The following SLCO3A1 variants were observed in gnomAD, a reference collection of about 807,000 sequenced individuals.
The protein encoded by SLCO3A1 is solute carrier organic anion transporter family member 3A1.
Under a neutral mutation model 63.1 loss-of-function variants are expected in SLCO3A1, and 27 were observed. The observed-to-expected ratio is 0.43, with a 90% CI of 0.32 to 0.59. SLCO3A1 has a LOEUF of 0.59. Among genes scored for constraint, SLCO3A1 ranks in the 20% least tolerant of loss-of-function variants. The pLI is 0.09. For synonymous variants in SLCO3A1, 473 were observed against 409.9 expected (o/e 1.15, Z -1.86); for missense variants, 773 against 945.8 (o/e 0.82, Z 2.40).
chr15:92,079,808 C>A (rs1024309587), intron 2 of SLCO3A1, among the ~76,000 whole-genome samples: 4 of 152,382 alleles, frequency 2.6e-5, no homozygotes, highest in African/African-American at 9.6e-5. Context: ...AGCTTTGAAG[C>A]CTGAACTAGA....
rs1900696261 is a variant in SLCO3A1, at chr15:91,967,325, T to G, written c.646+50867T>G. 1.3e-5 allele frequency among the ~76,000 whole-genome samples: 2 copies of G among 152,280 alleles called. No homozygotes were observed. Among genetic ancestry groups the G allele is most frequent in the South Asian group, 2.1e-4 (1 of 4,818 alleles). ...TAAGAGGAAGCAGAGAGTACTGTTT[T>G]CTAGATTAACTGCTCTACACAGAAA... On this transcript the variant is annotated intron_variant, in intron 2 of 9. Coordinates refer to ENST00000318445, the MANE Select transcript of SLCO3A1 (RefSeq NM_013272.4). This position sits in a 1 kb window ranked among gnomAD's most constrained non-coding sequence, Gnocchi z 4.4.
intron 1 of SLCO3A1, among the ~76,000 whole-genome samples, chr15:91,907,023 AT>A (rs1461627704): frequency 6.6e-6 from 1 of 152,146 alleles, no homozygotes; most frequent in African/African-American, 2.4e-5. Flanking sequence ...GAATAATAAC[AT>A]TTGCCTCAGT....
chr15:91,965,671 C>T (rs1900630861), intron 2 of SLCO3A1, among the ~76,000 whole-genome samples: 1 of 151,964 alleles, frequency 6.6e-6, no homozygotes, highest in African/African-American at 2.4e-5. Context: ...GCACCAAGTC[C>T]AAAGGAATCT....
chr15:91,962,637 T>C (rs1429458408), intron 2 of SLCO3A1, among the ~76,000 whole-genome samples: 2 of 151,750 alleles, frequency 1.3e-5, no homozygotes, highest in Non-Finnish European at 1.5e-5. Context: ...TGGAAATGGC[T>C]GTGGAAGGTC....
chr15:91,981,432 G>A (rs949329291), intron 2 of SLCO3A1, among the ~76,000 whole-genome samples: 2 of 152,030 alleles, frequency 1.3e-5, no homozygotes, highest in African/African-American at 4.8e-5. Context: ...TTATGCTCCA[G>A]CCACTCCAGA....
chr15:92,130,971 A>G (rs1237078406), intron 7 of SLCO3A1, among the ~76,000 whole-genome samples: 3 of 146,920 alleles, frequency 2.0e-5, no homozygotes, highest in Non-Finnish European at 4.5e-5. Context: ...GGAATTCTCC[A>G]CCTTCCCCAA....
Position 92,105,020 on chromosome 15 carries a change from C to T in SLCO3A1, c.1009+478C>T, listed in dbSNP as rs192975265. ...GTGTAATCACATCTGTAATCCCAGC[C>T]CTTTGGGAAGCCAAGGCAGGTGGAT... On this transcript the variant is annotated intron_variant, in intron 4 of 9. Transcript: ENST00000318445. Among the ~76,000 whole-genome samples the T allele has an allele frequency of 9.7e-3, 1,473 of 151,736 alleles. 21 individuals are homozygous for T. The highest frequency in any genetic ancestry group is 0.034 in the African/African-American group (1,414 of 41,420).
chr15:92,156,188 T>C (rs931434251), intron 9 of SLCO3A1, among the ~76,000 whole-genome samples: 1 of 152,164 alleles, frequency 6.6e-6, no homozygotes, highest in Non-Finnish European at 1.5e-5. Flanking sequence ...AGTGCTGCTT[T>C]GGAAGAAGCA....
intron 2 of SLCO3A1, among the ~76,000 whole-genome samples, chr15:92,046,815 C>T (rs1286136822): frequency 6.7e-6 from 1 of 149,900 alleles, no homozygotes; most frequent in Non-Finnish European, 1.5e-5. Flanking sequence ...CGTTGTCTGT[C>T]ACCTAGGTCT....
intron 2 of SLCO3A1, among the ~76,000 whole-genome samples, chr15:92,016,610 A>G (rs973983884): frequency 1.3e-5 from 2 of 152,226 alleles, no homozygotes; most frequent in African/African-American, 4.8e-5. Context: ...GTGAAAGACT[A>G]TTGCATGGCT....
At chr15:91,997,659 A>T in intron 2 of SLCO3A1, among the ~76,000 whole-genome samples, 1 of 152,226 alleles carries the variant, frequency 6.6e-6, no homozygotes, top group Non-Finnish European at 1.5e-5. Context: ...ACAAAAACAG[A>T]CTACATAGAC....
intron 7 of SLCO3A1, among the ~76,000 whole-genome samples, chr15:92,143,944 A>T (rs1191290791): frequency 6.6e-6 from 1 of 152,324 alleles, no homozygotes; most frequent in South Asian, 2.1e-4. Flanking sequence ...GTGGGGAGCC[A>T]CGTGGCCTGC....
At chr15:92,069,771 A>G (rs1401839321) in intron 2 of SLCO3A1, among the ~76,000 whole-genome samples, 1 of 152,166 alleles carries the variant, frequency 6.6e-6, no homozygotes, top group Non-Finnish European at 1.5e-5. Flanking sequence ...GAAAATGATG[A>G]ATGAGTCACG....
intron 2 of SLCO3A1, among the ~76,000 whole-genome samples, chr15:91,925,253 C>A (rs192952887): frequency 6.6e-6 from 1 of 152,194 alleles, no homozygotes; most frequent in East Asian, 1.9e-4. Flanking sequence ...TCTTTTTGTC[C>A]TTTTCACCTA....
At chr15:92,074,095 G>A (rs746595682) in intron 2 of SLCO3A1, among the ~76,000 whole-genome samples, 7 of 152,174 alleles carry the variant, frequency 4.6e-5, no homozygotes, top group South Asian at 2.1e-4. Context: ...TGCTTGAACC[G>A]AGGAGGCAGA....
intron 2 of SLCO3A1, among the ~76,000 whole-genome samples, chr15:91,998,891 G>A (rs1384104820): frequency 2.0e-5 from 3 of 152,194 alleles, no homozygotes; most frequent in African/African-American, 7.2e-5. Flanking sequence ...ACTCAGCCTA[G>A]GTGCCCATCA....
intron 1 of SLCO3A1, among the ~76,000 whole-genome samples, chr15:91,858,989 T>C (rs1409784411): frequency 6.6e-6 from 1 of 152,262 alleles, no homozygotes; most frequent in Non-Finnish European, 1.5e-5. Flanking sequence ...CTCGCGCAGA[T>C]TTCACTACAT....
chr15:91,879,894 G>T (rs1243967951), intron 1 of SLCO3A1, among the ~76,000 whole-genome samples: 3 of 152,124 alleles, frequency 2.0e-5, no homozygotes, highest in East Asian at 3.9e-4. Flanking sequence ...TCCAGACAGA[G>T]ATTTTATGTA....
Position 91,942,256 on chromosome 15 carries a change from G to A in SLCO3A1, c.646+25798G>A, listed in dbSNP as rs1464993108. Reference sequence around the variant, plus strand: ...TGTGAAATCCAAAAATGTAGCAACTGCTGAACCCCACAATGTCTGATCTAT... The same window carrying A: ...TGTGAAATCCAAAAATGTAGCAACTACTGAACCCCACAATGTCTGATCTAT... On this transcript the variant is annotated intron_variant, in intron 2 of 9. Transcript: ENST00000318445. The surrounding 1 kb of genome is among the most constrained non-coding windows in gnomAD (Gnocchi z 4.1). Among the ~76,000 whole-genome samples, 3 of 152,160 alleles carry A rather than the reference G, an allele frequency of 2.0e-5. No homozygotes were observed. The highest frequency in any genetic ancestry group is 2.9e-5 in the Non-Finnish European group (2 of 68,038).
Sources: allele counts gnomAD v4.1 joint callset (sites outside exome capture counted in the v4.1 genomes callset), GRCh38; gene constraint gnomAD v4.1.1; non-coding constraint Gnocchi (gnomAD v3.1); transcripts MANE v1.5; gene names NCBI Gene and HGNC (gene_info 2026-07-23, HGNC 2026-07-21).